The following PRKDC variants were observed in gnomAD, a reference collection of about 807,000 sequenced individuals.
The protein encoded by PRKDC is protein kinase, DNA-activated, catalytic subunit.
A neutral mutation model predicts 486.9 loss-of-function variants in PRKDC; 82 were observed. The observed-to-expected ratio is 0.17, with a 90% CI of 0.14 to 0.20. The LOEUF (loss-of-function observed/expected upper bound fraction) is 0.20, where lower values mean the gene tolerates loss of function less well. Among genes scored for constraint, PRKDC ranks in the 10% least tolerant of loss-of-function variants. The pLI is 1.00. For synonymous variants in PRKDC, 1,895 were observed against 1,837.0 expected, an observed-to-expected ratio of 1.03 and a Z score of -0.81; for missense variants, 4,504 against 5,038.2, an observed-to-expected ratio of 0.89 and a Z score of 3.21.
intron 21 of PRKDC, among the ~76,000 whole-genome samples, chr8:47,919,454 T>C (rs1026406851): frequency 1.3e-5 from 2 of 152,258 alleles, no homozygotes; most frequent in Non-Finnish European, 2.9e-5. Flanking sequence ...ATTTTTTCTC[T>C]GCAGAGTCAT....
intron 33 of PRKDC, 121 bp from the exon 34 acceptor site, chr8:47,888,771 C>T: frequency 4.4e-6 from 6 of 1,354,472 alleles, no homozygotes; most frequent in African/African-American, 1.5e-5. Flanking sequence ...ACAGGATCCA[C>T]ACGCACTAAG....
intron 49 of PRKDC, 90 bp downstream of exon 49, chr8:47,857,066 C>T: frequency 7.4e-7 from 1 of 1,349,852 alleles, no homozygotes; most frequent in Non-Finnish European, 9.8e-7. Context: ...ATAGCACAGT[C>T]AGTGAGAGGG....
At chr8:47,944,984 A>G (rs1416390233) in intron 7 of PRKDC, among the ~76,000 whole-genome samples, 1 of 152,236 alleles carries the variant, frequency 6.6e-6, no homozygotes, top group Non-Finnish European at 1.5e-5. Context: ...GTATTCTATA[A>G]AGGCTTTCCA....
At chr8:47,787,310 T>G (rs573747787) in intron 76 of PRKDC, among the ~76,000 whole-genome samples, 81 of 152,088 alleles carry the variant, frequency 5.3e-4, no homozygotes, top group Non-Finnish European at 1.0e-3. Context: ...TATAGGAAAA[T>G]TGACATATAT....
intron 16 of PRKDC, among the ~76,000 whole-genome samples, chr8:47,931,575 C>T (rs1249425377): frequency 6.6e-6 from 1 of 152,018 alleles, no homozygotes; most frequent in Non-Finnish European, 1.5e-5. Context: ...GTGTTGCTAC[C>T]TATCATCCCG....
chr8:47,774,838 G>A (rs1454713910), intron 85 of PRKDC, among the ~76,000 whole-genome samples: 1 of 151,894 alleles, frequency 6.6e-6, no homozygotes, highest in Non-Finnish European at 1.5e-5. Flanking sequence ...ATGTTGCCCA[G>A]GCTAGACTTG....
chr8:47,908,737 C>A (rs533984765), intron 25 of PRKDC, among the ~76,000 whole-genome samples: 1 of 152,240 alleles, frequency 6.6e-6, no homozygotes, highest in African/African-American at 2.4e-5. Context: ...TCATTTTTAT[C>A]TTTGAACATT....
chr8:47,842,574 G>C (rs1366103186), intron 54 of PRKDC, among the ~76,000 whole-genome samples: 1 of 151,904 alleles, frequency 6.6e-6, no homozygotes, highest in Middle Eastern at 3.2e-3. Flanking sequence ...TGATGAATAA[G>C]AAAACAAAAG....
chr8:47,833,421 C>T (rs2087935351), intron 59 of PRKDC, among the ~76,000 whole-genome samples: 2 of 152,102 alleles, frequency 1.3e-5, no homozygotes, highest in African/African-American at 4.8e-5. Flanking sequence ...CCCTTGTTCC[C>T]TCCCAGAGCC....
chr8:47,796,692 T>G lies in PRKDC; in HGVS notation c.10458+1545A>C, dbSNP rs535018073. Among the ~76,000 whole-genome samples the G allele has an allele frequency of 2.5e-4, 38 of 151,798 alleles. No homozygotes were observed. The South Asian group carries it at 7.8e-3, about 31-fold the overall frequency. ...TCGGCTCACTGCAACCTCCACCTCC[T>G]GGGTTCAAGTGATTTTCCTGCCTCA... On this transcript the variant is annotated intron_variant, in intron 73 of 85. Transcript: ENST00000314191.
intron 1 of PRKDC, among the ~76,000 whole-genome samples, 172 bp from the exon 2 acceptor site, chr8:47,957,603 C>T (rs531833120): frequency 1.8e-3 from 266 of 145,604 alleles, no homozygotes; most frequent in Non-Finnish European, 3.1e-3. Flanking sequence ...CTCCGCCTCC[C>T]GGGTTCACGC....
intron 54 of PRKDC, among the ~76,000 whole-genome samples, chr8:47,847,832 A>G (rs927293687): frequency 6.6e-6 from 1 of 151,616 alleles, no homozygotes; most frequent in Non-Finnish European, 1.5e-5. Flanking sequence ...AAAATGAGCA[A>G]AAGACATGGA....
At chr8:47,830,075 A>C (rs1159329053) in intron 61 of PRKDC, among the ~76,000 whole-genome samples, 2 of 152,238 alleles carry the variant, frequency 1.3e-5, no homozygotes, top group Non-Finnish European at 2.9e-5. Context: ...GTACAAAAAC[A>C]GACACACAGA....
At chr8:47,872,109 A>G (rs1313976357) in intron 40 of PRKDC, among the ~76,000 whole-genome samples, 1 of 152,224 alleles carries the variant, frequency 6.6e-6, no homozygotes, top group Non-Finnish European at 1.5e-5. Flanking sequence ...GTATAACTTG[A>G]AACAGCAAAA....
rs537508832 is a variant in PRKDC at position 47,782,767 on chromosome 8, G to C, written c.11176-169C>G. On this transcript the variant is annotated intron_variant, in intron 78 of 85. Coordinates refer to ENST00000314191, the MANE Select transcript of PRKDC (RefSeq NM_006904.7). The surrounding 1 kb of genome is among the most constrained non-coding windows in gnomAD (Gnocchi z 4.9). ...GAATTTCTGCTACCTGCTTGTGCCT[G>C]ACTGCTGTGCCCGCAGAAATGTTGT... 778 of 641,292 alleles carry C rather than the reference G, an allele frequency of 1.2e-3. No homozygotes were observed. The highest frequency in any genetic ancestry group is 1.9e-3 in the Admixed American group (65 of 34,826). 39.7% of individuals were successfully genotyped at this position (641,292 alleles called of 1,614,324 possible).
chr8:47,777,586 T>C (rs1177986366), intron 84 of PRKDC, 100 bp downstream of exon 84: 2 of 1,175,764 alleles, frequency 1.7e-6, no homozygotes, highest in Non-Finnish European at 1.2e-6. Flanking sequence ...AATATTTTCA[T>C]CAACATGACT....
In PRKDC at chr8:47,953,603, G is replaced by A. The variant is rs749641764; in HGVS notation, c.721+17C>T. ...ACAGTTTTTGAATAAAGAAAATCAA[G>A]TGAAGCCAAGCAATACCTTCTTCCA... On this transcript the variant is annotated intron_variant, in intron 7 of 85. Transcript: ENST00000314191. 6.3e-7 allele frequency: 1 copy of A among 1,598,790 alleles called. No individual in the cohort carries two copies. The highest frequency in any genetic ancestry group is 8.5e-7 in the Non-Finnish European group (1 of 1,169,658).
At chr8:47,806,689 G>A (rs1378422860) in intron 69 of PRKDC, among the ~76,000 whole-genome samples, 1 of 152,126 alleles carries the variant, frequency 6.6e-6, no homozygotes, top group Non-Finnish European at 1.5e-5. Context: ...TTCCTACAAA[G>A]TAAACCTAAA....
In PRKDC at chr8:47,821,703, G is replaced by A; in HGVS notation, c.9012C>T (p.His3004=). Reference sequence around the variant, plus strand: ...ATTCAAGTGATTTCCACTCAGCAAGGTGGTTGTAACAGTCAAGGGATGCAA... The same window carrying A: ...ATTCAAGTGATTTCCACTCAGCAAGATGGTTGTAACAGTCAAGGGATGCAA... ...WELASLDCYN[H]LAEWKSLEYC... Residue 3004 remains histidine, a synonymous_variant, in exon 65 of 86, where the codon CAC becomes CAT. Coordinates refer to ENST00000314191, the MANE Select transcript of PRKDC (RefSeq NM_006904.7). 1.2e-6 allele frequency: 2 copies of A among 1,601,970 alleles called. No individual in the cohort carries two copies. Among genetic ancestry groups the A allele is most frequent in the Non-Finnish European group, 1.7e-6 (2 of 1,173,622 alleles).
Sources: allele counts gnomAD v4.1 joint callset (sites outside exome capture counted in the v4.1 genomes callset), GRCh38; gene constraint gnomAD v4.1.1; non-coding constraint Gnocchi (gnomAD v3.1); transcripts MANE v1.5; gene names NCBI Gene and HGNC (gene_info 2026-07-23, HGNC 2026-07-21).